The following SLIT2 variants were observed in gnomAD, a reference collection of about 807,000 sequenced individuals.
SLIT2 encodes the protein slit guidance ligand 2, also known as slit homolog 2 protein.
Under a neutral mutation model 185.7 loss-of-function variants are expected in SLIT2, and 41 were observed. The ratio of observed to expected loss-of-function variants is 0.22; its 90% confidence interval spans 0.17 to 0.29. SLIT2 has a LOEUF of 0.29. SLIT2 is among the 10% of genes least tolerant of loss of function. SLIT2 has a pLI of 1.00. For synonymous variants in SLIT2, 693 were observed against 680.2 expected (o/e 1.02, Z -0.29); for missense variants, 1,571 against 1,909.0 (o/e 0.82, Z 3.30).
rs1043550539 is a variant in SLIT2 at position 20,254,653 on chromosome 4, A to G, written c.179+659A>G. Among the ~76,000 whole-genome samples, 2 of 151,732 alleles carry G rather than the reference A, an allele frequency of 1.3e-5. No homozygotes were observed. Among genetic ancestry groups the G allele is most frequent in the Admixed American group, 1.3e-4 (2 of 15,260 alleles). On this transcript the variant is annotated intron_variant, in intron 1 of 36. Coordinates refer to ENST00000504154, the MANE Select transcript of SLIT2 (RefSeq NM_004787.4). The surrounding 1 kb of genome is among the most constrained non-coding windows in gnomAD (Gnocchi z 5.1). ...GGAAGACGGCGTCAGGCCCCTAGGG[A>G]CTTGTCTCAGCGGGCGACTGCGAGG...
intron 4 of SLIT2, among the ~76,000 whole-genome samples, chr4:20,291,511 T>A (rs1332417252): frequency 3.9e-3 from 400 of 102,208 alleles, no homozygotes; most frequent in Non-Finnish European, 6.4e-3. Flanking sequence ...TTTTTTTTTT[T>A]TTTTTTTTTT....
intron 18 of SLIT2, among the ~76,000 whole-genome samples, chr4:20,536,574 A>AAAAAAC (rs1560174649): frequency 6.7e-5 from 10 of 149,050 alleles, no homozygotes; most frequent in Non-Finnish European, 1.2e-4. Context: ...AAAAAAAAAA[A>AAAAAAC]AAAAACAAAA....
At chr4:20,318,426 T>C (rs1025738934) in intron 4 of SLIT2, among the ~76,000 whole-genome samples, 1 of 152,168 alleles carries the variant, frequency 6.6e-6, no homozygotes, top group African/African-American at 2.4e-5. Context: ...TAGGTGATTG[T>C]GAAACTAATG....
chr4:20,508,676 A>G (rs1719426409), intron 9 of SLIT2, among the ~76,000 whole-genome samples: 1 of 152,086 alleles, frequency 6.6e-6, no homozygotes, highest in Admixed American at 6.6e-5. Context: ...CACTAAAGTA[A>G]AACTCCCTGA....
intron 4 of SLIT2, among the ~76,000 whole-genome samples, chr4:20,373,391 G>C (rs1157546783): frequency 6.6e-6 from 1 of 151,744 alleles, no homozygotes; most frequent in East Asian, 1.9e-4. Context: ...TCTCCTATTT[G>C]CTTTGAAGGA....
intron 4 of SLIT2, among the ~76,000 whole-genome samples, chr4:20,467,512 C>T (rs1245356551): frequency 6.6e-6 from 1 of 151,898 alleles, no homozygotes; most frequent in Non-Finnish European, 1.5e-5. Flanking sequence ...TTTATAGTTT[C>T]TCATGAAATT....
chr4:20,574,434 G>A (rs1725900510), intron 29 of SLIT2, among the ~76,000 whole-genome samples: 1 of 152,140 alleles, frequency 6.6e-6, no homozygotes. Context: ...CACAACGTGT[G>A]CTTGTCTTGA....
intron 4 of SLIT2, among the ~76,000 whole-genome samples, chr4:20,339,706 C>G (rs1270028502): frequency 6.6e-6 from 1 of 152,038 alleles, no homozygotes; most frequent in African/African-American, 2.4e-5. Flanking sequence ...AGTTTCTAAT[C>G]TAAAGACAGG....
intron 4 of SLIT2, among the ~76,000 whole-genome samples, chr4:20,384,797 C>T (rs1194017746): frequency 6.6e-6 from 1 of 151,960 alleles, no homozygotes; most frequent in Non-Finnish European, 1.5e-5. Context: ...GTAATTATAC[C>T]GGTGGTGACA....
chr4:20,299,640 A>G (rs1386395203), intron 4 of SLIT2, among the ~76,000 whole-genome samples: 1 of 145,096 alleles, frequency 6.9e-6, no homozygotes, highest in Non-Finnish European at 1.5e-5. Flanking sequence ...GGCATTGTTC[A>G]TTTTGCCTTT....
chr4:20,295,937 A>G (rs939748641), intron 4 of SLIT2, among the ~76,000 whole-genome samples: 2 of 152,244 alleles, frequency 1.3e-5, no homozygotes, highest in African/African-American at 4.8e-5. Flanking sequence ...ACAGTGCTCT[A>G]AAGGAGATAT....
chr4:20,416,810 T>G (rs776297175), intron 4 of SLIT2, among the ~76,000 whole-genome samples: 3 of 152,224 alleles, frequency 2.0e-5, no homozygotes, highest in South Asian at 2.1e-4. Flanking sequence ...TTCATTCAGT[T>G]CTTCATTCAA....
At chr4:20,289,113 T>C (rs547548533) in intron 4 of SLIT2, among the ~76,000 whole-genome samples, 1 of 152,328 alleles carries the variant, frequency 6.6e-6, no homozygotes, top group African/African-American at 2.4e-5. Context: ...CTGATGCATG[T>C]GGGGAAGTAA....
chr4:20,474,563 C>G (rs1439332852), intron 5 of SLIT2, among the ~76,000 whole-genome samples: 1 of 152,062 alleles, frequency 6.6e-6, no homozygotes, highest in Non-Finnish European at 1.5e-5. Context: ...ACAAGATAGT[C>G]TGATTCAGCA....
intron 4 of SLIT2, among the ~76,000 whole-genome samples, chr4:20,406,593 G>A (rs1726794220): frequency 6.9e-6 from 1 of 143,906 alleles, no homozygotes; most frequent in Non-Finnish European, 1.5e-5. Flanking sequence ...TAAAACCATA[G>A]TGACATACCA....
intron 4 of SLIT2, among the ~76,000 whole-genome samples, chr4:20,307,057 C>T (rs980405533): frequency 4.6e-5 from 7 of 151,210 alleles, no homozygotes; most frequent in African/African-American, 1.7e-4. Flanking sequence ...TTCCTTCCTT[C>T]CTTCCTTCAT....
intron 33 of SLIT2, among the ~76,000 whole-genome samples, chr4:20,606,217 A>T (rs561715619): frequency 6.6e-6 from 1 of 152,306 alleles, no homozygotes; most frequent in South Asian, 2.1e-4. Context: ...CAAATTGGCC[A>T]GTCATGGTGG....
At chr4:20,446,560 C>T (rs1711824172) in intron 4 of SLIT2, among the ~76,000 whole-genome samples, 3 of 152,322 alleles carry the variant, frequency 2.0e-5, no homozygotes, top group South Asian at 4.1e-4. Flanking sequence ...TCTTCCCTTA[C>T]TATCAAAATG....
chr4:20,263,527 C>G (rs574351228), intron 3 of SLIT2, among the ~76,000 whole-genome samples: 2 of 151,848 alleles, frequency 1.3e-5, no homozygotes, highest in African/African-American at 4.8e-5. Flanking sequence ...TGCTTGGTGT[C>G]TCATGGAATA....
Sources: gnomAD v4.1 joint callset for allele counts (sites outside exome capture counted in the v4.1 genomes callset) on GRCh38, gnomAD v4.1.1 for gene constraint, Gnocchi (gnomAD v3.1) non-coding constraint, MANE v1.5 for transcripts, NCBI Gene and HGNC (gene_info 2026-07-23, HGNC 2026-07-21) for gene names.